The following RNF216 variants were observed in gnomAD, a reference collection of about 807,000 sequenced individuals.
RNF216 encodes E3 ubiquitin-protein ligase RNF216.
A neutral mutation model predicts 110.8 loss-of-function variants in RNF216; 72 were observed. The ratio of observed to expected loss-of-function variants is 0.65; its 90% CI spans 0.54 to 0.79. The LOEUF (loss-of-function observed/expected upper bound fraction) is 0.79, where lower values mean the gene tolerates loss of function less well. RNF216 is among the 30% of genes least tolerant of loss of function. The probability of loss-of-function intolerance (pLI) is 0.00; values close to 1 mark genes in which losing one functional copy is unlikely to be tolerated. For synonymous variants in RNF216, 495 were observed against 407.5 expected, an observed-to-expected ratio of 1.21 and a Z score of -2.59; for missense variants, 1,342 against 1,141.2, an observed-to-expected ratio of 1.18 and a Z score of -2.54.
chr7:5,714,379 C>T (rs1406826347), intron 11 of RNF216, among the ~76,000 whole-genome samples: 1 of 152,236 alleles, frequency 6.6e-6, no homozygotes. Flanking sequence ...CTGCCTCAGC[C>T]TCCCCAGTAG....
intron 13 of RNF216, among the ~76,000 whole-genome samples, chr7:5,662,940 C>G (rs1014988241): frequency 6.6e-6 from 1 of 152,114 alleles, no homozygotes; most frequent in Non-Finnish European, 1.5e-5. Flanking sequence ...GGAGCTGGGA[C>G]AGGACAGAGC....
At chr7:5,716,645 C>G (rs1793082866) in intron 10 of RNF216, 71 bp downstream of exon 10, 1 of 1,281,768 alleles carries the variant, frequency 7.8e-7, no homozygotes, top group Admixed American at 2.2e-5. Flanking sequence ...ATCAAAAATG[C>G]TGACAAAACA....
chr7:5,730,167 A>T (rs1489202127), intron 6 of RNF216, among the ~76,000 whole-genome samples: 1 of 152,230 alleles, frequency 6.6e-6, no homozygotes, highest in Non-Finnish European at 1.5e-5. Context: ...CTGCATGCTG[A>T]AGTACTTAGA....
rs111435276 is a variant in RNF216 at position 5,759,540 on chromosome 7, T to C, written c.67+1463A>G. ...AATACAGTATACAAAACATACAATA[T>C]ATAACGCATGTGTTGACTGTTTATG... On this transcript the variant is annotated intron_variant, in intron 2 of 16. Coordinates refer to ENST00000389902, the MANE Select transcript of RNF216 (RefSeq NM_207111.4). 2.2e-3 allele frequency among the ~76,000 whole-genome samples: 342 copies of C among 152,250 alleles called. 3 individuals carry two copies. The highest frequency in any genetic ancestry group is 0.01 in the Middle Eastern group (3 of 294).
chr7:5,762,736 C>T (rs1249757106), intron 1 of RNF216, among the ~76,000 whole-genome samples: 1 of 151,770 alleles, frequency 6.6e-6, no homozygotes, highest in Non-Finnish European at 1.5e-5. Context: ...ATACAGTATG[C>T]GTAAGAATGA....
intron 13 of RNF216, among the ~76,000 whole-genome samples, chr7:5,701,723 C>T (rs943536369): frequency 2.0e-5 from 3 of 152,224 alleles, no homozygotes; most frequent in Non-Finnish European, 2.9e-5. Context: ...GTTTCCCTCA[C>T]TGTGATGCAG....
chr7:5,674,730 G>C (rs1438935481), intron 13 of RNF216, among the ~76,000 whole-genome samples: 1 of 152,032 alleles, frequency 6.6e-6, no homozygotes, highest in Non-Finnish European at 1.5e-5. Context: ...CAAAGCGGGG[G>C]GTCTTTAAAG....
intron 15 of RNF216, among the ~76,000 whole-genome samples, chr7:5,627,591 C>T (rs2128557112): frequency 6.6e-6 from 1 of 152,140 alleles, no homozygotes; most frequent in African/African-American, 2.4e-5. Context: ...ACTAACAATA[C>T]AAAAAATTAG....
chr7:5,736,724 G>GC (rs1442757087), intron 5 of RNF216, among the ~76,000 whole-genome samples: 1 of 150,792 alleles, frequency 6.6e-6, no homozygotes, highest in African/African-American at 2.5e-5. Context: ...GAGCGCCTCT[G>GC]CCCCGCCGCC....
chr7:5,627,564 G>A (rs1464147383), intron 15 of RNF216, among the ~76,000 whole-genome samples: 2 of 152,102 alleles, frequency 1.3e-5, no homozygotes, highest in East Asian at 1.9e-4. Context: ...TGGCTAACAC[G>A]GTGAAACCCT....
chr7:5,712,587 T>C (rs1448195362), intron 12 of RNF216, 128 bp downstream of exon 12: 10 of 886,608 alleles, frequency 1.1e-5, no homozygotes, highest in Middle Eastern at 3.5e-4. Flanking sequence ...TTGATAATCT[T>C]ATTTCTCAGC....
At chr7:5,626,957 T>C (rs1786745855) in intron 15 of RNF216, among the ~76,000 whole-genome samples, 1 of 152,178 alleles carries the variant, frequency 6.6e-6, no homozygotes, top group Non-Finnish European at 1.5e-5. Context: ...ACAGTATTTC[T>C]TTCAGGGGTC....
intron 15 of RNF216, among the ~76,000 whole-genome samples, chr7:5,625,849 T>C (rs1786673286): frequency 6.6e-6 from 1 of 151,290 alleles, no homozygotes. Context: ...CAACAGTGGA[T>C]GACACTATTA....
intron 13 of RNF216, among the ~76,000 whole-genome samples, chr7:5,690,052 C>A (rs797015388): frequency 6.6e-6 from 1 of 151,682 alleles, no homozygotes; most frequent in South Asian, 2.1e-4. Context: ...TGGCCAGGCG[C>A]GGTGGGTGGC....
intron 5 of RNF216, among the ~76,000 whole-genome samples, chr7:5,736,671 T>C (rs1477968806): frequency 1.3e-5 from 2 of 149,980 alleles, no homozygotes; most frequent in Non-Finnish European, 3.0e-5. Flanking sequence ...TTCTAGGAAG[T>C]GAGGAGCGTC....
At chr7:5,704,752 C>A (rs1792181343) in intron 13 of RNF216, among the ~76,000 whole-genome samples, 1 of 152,210 alleles carries the variant, frequency 6.6e-6, no homozygotes. Flanking sequence ...TTCTCTCATT[C>A]CTCTGGTGGT....
At chr7:5,648,640 A>AT (rs1788193875) in intron 14 of RNF216, among the ~76,000 whole-genome samples, 1 of 151,266 alleles carries the variant, frequency 6.6e-6, no homozygotes, top group Non-Finnish European at 1.5e-5. Context: ...AGGCAGGAGA[A>AT]CGGTGTGAAC....
chr7:5,653,860 C>G (rs911389999), intron 13 of RNF216, among the ~76,000 whole-genome samples: 21 of 152,134 alleles, frequency 1.4e-4, no homozygotes, highest in African/African-American at 4.8e-4. Flanking sequence ...AGAGAAGACT[C>G]TGGCAGGCAA....
chr7:5,767,834 G>C (rs1487725942), intron 1 of RNF216, among the ~76,000 whole-genome samples: 2 of 152,072 alleles, frequency 1.3e-5, no homozygotes, highest in African/African-American at 4.8e-5. Flanking sequence ...CCTGACCTCA[G>C]GTGATGCATT....
Sources: allele counts gnomAD v4.1 joint callset (sites outside exome capture counted in the v4.1 genomes callset), GRCh38; gene constraint gnomAD v4.1.1; transcripts MANE v1.5; gene names NCBI Gene and HGNC (gene_info 2026-07-23, HGNC 2026-07-21).